MORC3: variants seen among roughly 807,000 people sequenced by gnomAD.
The protein encoded by MORC3 is MORC family CW-type zinc finger 3, also known as MORC family CW-type zinc finger protein 3.
In MORC3, 31 loss-of-function variants were observed where a neutral mutation model predicts 109.1. The ratio of observed to expected loss-of-function variants is 0.28; its 90% confidence interval spans 0.21 to 0.38. The LOEUF is 0.38. Among genes scored for constraint, MORC3 ranks in the 10% least tolerant of loss-of-function variants. MORC3 has a pLI of 1.00. For missense variants in MORC3, 867 were observed against 1,135.8 expected (o/e 0.76, Z 3.40); for synonymous variants, 395 against 380.7 (o/e 1.04, Z -0.44).
intron 9 of MORC3, among the ~76,000 whole-genome samples, chr21:36,352,409 A>G (rs1188528993): frequency 1.3e-5 from 2 of 150,066 alleles, no homozygotes; most frequent in Admixed American, 1.3e-4. Context: ...GGGGGGGGGC[A>G]GGTTGAAAAG....
At position 36,338,766 on chromosome 21, in the gene MORC3, T is replaced by C. The variant is rs139899784; in HGVS notation, c.461-8T>C. 42,815 of 1,601,654 alleles carry C rather than the reference T, an allele frequency of 0.027. 733 individuals are homozygous for C. Among genetic ancestry groups the C allele is most frequent in the Admixed American group, 0.067 (4,011 of 59,554 alleles). On this transcript the variant is annotated splice_region_variant and splice_polypyrimidine_tract_variant and intron_variant, in intron 4 of 16. Transcript: ENST00000400485. ...GTTGTCAATCTGAGTCTTTAACTTA[T>C]GATATACGACAGATGATTAATTTAG... is the stretch of plus-strand genomic sequence containing the variant.
In MORC3 at chr21:36,369,549, A is replaced by T. The variant is rs1294766859; in HGVS notation, c.2181A>T (p.Leu727Phe). 1 of 1,614,214 alleles carries T rather than the reference A, an allele frequency of 6.2e-7. No individual in the cohort carries two copies. The highest frequency in any genetic ancestry group is 8.5e-7 in the Non-Finnish European group (1 of 1,180,032). Reference sequence around the variant, plus strand: ...TGTTTACTGATCAAATCAAAGTGTTACAACAGAGGATACTAGAAATGAATG... The same window carrying T: ...TGTTTACTGATCAAATCAAAGTGTTTCAACAGAGGATACTAGAAATGAATG... ...CHMFTDQIKV[L>F]QQRILEMNDK... The change falls in exon 15 of 17, where the codon TTA (leucine) becomes TTT (phenylalanine). Residue 727 changes from leucine to phenylalanine, a missense_variant. Leu to Phe is a conservative substitution (Grantham distance 22). Coordinates refer to ENST00000400485, the MANE Select transcript of MORC3 (RefSeq NM_015358.3).
intron 1 of MORC3, among the ~76,000 whole-genome samples, chr21:36,327,261 A>G (rs974376305): frequency 7.0e-6 from 1 of 142,096 alleles, no homozygotes; most frequent in Non-Finnish European, 1.5e-5. Context: ...TGTTCAAGCA[A>G]TTCTCCTGCC....
At chr21:36,356,384 G>T (rs961024328) in intron 9 of MORC3, among the ~76,000 whole-genome samples, 1 of 151,928 alleles carries the variant, frequency 6.6e-6, no homozygotes, top group Admixed American at 6.6e-5. Flanking sequence ...GTTCTTGGAA[G>T]TTTTTTTCAA....
chr21:36,338,964 C>T (rs2085405235), intron 5 of MORC3, 43 bp downstream of exon 5: 1 of 1,597,182 alleles, frequency 6.3e-7, no homozygotes, highest in African/African-American at 1.3e-5. Flanking sequence ...AAGTAAAGTG[C>T]ACGTGCAGGG....
At position 36,341,499 on chromosome 21, in the gene MORC3, C is replaced by A. The variant is rs1262194619; in HGVS notation, c.709C>A (p.Gln237Lys). 6.2e-7 allele frequency: 1 copy of A among 1,613,868 alleles called. No individual in the cohort carries two copies. Among genetic ancestry groups the A allele is most frequent in the Non-Finnish European group, 8.5e-7 (1 of 1,179,986 alleles). ...EITGKKGYKK[Q>K]ERMDQIAPES... ...AACAGGGAAGAAGGGGTACAAGAAG[C>A]AGGAAAGGATGGACCAGATTGCCCC... The change falls in exon 6 of 17, where the codon CAG (glutamine) becomes AAG (lysine). Residue 237 changes from glutamine (Q) to lysine (K), a missense_variant. By Grantham distance (53) the Gln-to-Lys change is moderately conservative (BLOSUM62 1). Transcript: ENST00000400485.
intron 10 of MORC3, among the ~76,000 whole-genome samples, chr21:36,359,323 A>T (rs2085684967): frequency 6.6e-6 from 1 of 152,112 alleles, no homozygotes; most frequent in Non-Finnish European, 1.5e-5. Flanking sequence ...TTTTTGAGAG[A>T]TGGGGTCTCA....
intron 1 of MORC3, 57 bp downstream of exon 1, chr21:36,320,360 G>C: frequency 7.9e-7 from 1 of 1,260,648 alleles, no homozygotes; most frequent in Non-Finnish European, 1.0e-6. Flanking sequence ...GCGGGCAAGC[G>C]AAGGGGGGCC....
rs749195123 is a variant in MORC3 at position 36,375,263 on chromosome 21, T to C, written c.2787T>C (p.Val929=). Residue 929 remains valine, a synonymous_variant, in exon 17 of 17, where the codon GTT becomes GTC. Coordinates refer to ENST00000400485, the MANE Select transcript of MORC3 (RefSeq NM_015358.3). ...TAGTTGATGAGATTTTAGGACAAGTTGTTGAACAAATGAGTGAAATCAGTA... is the reference window on the plus strand; with the variant it reads ...TAGTTGATGAGATTTTAGGACAAGTCGTTGAACAAATGAGTGAAATCAGTA... ...VDVVDEILGQ[V]VEQMSEISST The C allele has an allele frequency of 6.2e-7, 1 of 1,613,568 alleles. No individual in the cohort carries two copies.
In MORC3 at chr21:36,369,767, G is replaced by T. The variant is rs370564418; in HGVS notation, c.2399G>T (p.Cys800Phe). Residue 800 changes from cysteine (C) to phenylalanine (F), a missense_variant, in exon 15 of 17, where the codon TGT becomes TTT. By Grantham distance (205) the Cys-to-Phe change is radical. Transcript: ENST00000400485. ...CATGTAAAGGCTGAATGCAGCCAGT[G>T]TTCCAATAATGAGAGTAAAAGTGAA... ...LQHVKAECSQ[C>F]SNNESKSEMD... 6.2e-7 allele frequency: 1 copy of T among 1,614,096 alleles called. No homozygotes were observed. The highest frequency in any genetic ancestry group is 8.5e-7 in the Non-Finnish European group (1 of 1,180,046).
chr21:36,366,891 G>A (rs1236968764), intron 14 of MORC3, among the ~76,000 whole-genome samples: 1 of 152,170 alleles, frequency 6.6e-6, no homozygotes, highest in African/African-American at 2.4e-5. Flanking sequence ...ATTAAACAGG[G>A]CAGAGTAAGC....
intron 8 of MORC3, among the ~76,000 whole-genome samples, chr21:36,346,314 C>T (rs534614060): frequency 2.6e-5 from 4 of 152,332 alleles, no homozygotes; most frequent in East Asian, 3.9e-4. Context: ...GCAATGCGCT[C>T]GGCCTAGTAT....
chr21:36,363,533 T>C (rs1478933485), intron 13 of MORC3, among the ~76,000 whole-genome samples: 1 of 152,246 alleles, frequency 6.6e-6, no homozygotes, highest in African/African-American at 2.4e-5. Context: ...TATATTAGCC[T>C]ACATTGGGCA....
chr21:36,327,195 C>G (rs534928744), intron 1 of MORC3, among the ~76,000 whole-genome samples: 1 of 132,442 alleles, frequency 7.6e-6, no homozygotes, highest in South Asian at 2.6e-4. Flanking sequence ...GACAGACACT[C>G]CCAGGCTGGA....
At chr21:36,326,834 G>A (rs1266817910) in intron 1 of MORC3, among the ~76,000 whole-genome samples, 2 of 124,196 alleles carry the variant, frequency 1.6e-5, no homozygotes, top group Non-Finnish European at 3.4e-5. Flanking sequence ...TTTTTTTTTT[G>A]AGACCGAGTC....
intron 5 of MORC3, among the ~76,000 whole-genome samples, chr21:36,339,678 G>A (rs2146302278): frequency 6.6e-6 from 1 of 152,172 alleles, no homozygotes. Flanking sequence ...TTATCTTTGT[G>A]AGGATAAAAT....
intron 1 of MORC3, among the ~76,000 whole-genome samples, chr21:36,324,240 CA>C (rs1220031180): frequency 6.6e-6 from 1 of 151,404 alleles, no homozygotes; most frequent in Non-Finnish European, 1.5e-5. Context: ...TCTCCCTGGA[CA>C]AAATGTTCAT....
chr21:36,354,098 A>C (rs2085612684), intron 9 of MORC3, among the ~76,000 whole-genome samples: 1 of 151,602 alleles, frequency 6.6e-6, no homozygotes, highest in African/African-American at 2.4e-5. Flanking sequence ...CCAAAAACAA[A>C]ATCATAAGGA....
intron 1 of MORC3, among the ~76,000 whole-genome samples, chr21:36,323,323 T>G (rs1471656688): frequency 6.6e-6 from 1 of 152,194 alleles, no homozygotes; most frequent in Non-Finnish European, 1.5e-5. Context: ...CTTGGCCAAG[T>G]CATTTAACCT....
Sources: gnomAD v4.1 joint callset for allele counts (sites outside exome capture counted in the v4.1 genomes callset) on GRCh38, gnomAD v4.1.1 for gene constraint, MANE v1.5 for transcripts, NCBI Gene and HGNC (gene_info 2026-07-23, HGNC 2026-07-21) for gene names.